The following WNT3 variants were observed in gnomAD, a reference collection of about 807,000 sequenced individuals.
The protein encoded by WNT3 is proto-oncogene Wnt-3.
A neutral mutation model predicts 34.2 loss-of-function variants in WNT3; 7 were observed. The observed-to-expected ratio is 0.20, with a 90% confidence interval of 0.12 to 0.38. The LOEUF (loss-of-function observed/expected upper bound fraction) is 0.38, where lower values mean the gene tolerates loss of function less well. Ranked by LOEUF, WNT3 falls within the 10% of genes least tolerant of loss-of-function variation. The pLI, the probability that WNT3 is intolerant of heterozygous loss-of-function variation, is 1.00. For missense variants in WNT3, 267 were observed against 499.8 expected, an observed-to-expected ratio of 0.53 and a Z score of 4.44; for synonymous variants, 212 against 211.5, an observed-to-expected ratio of 1.00 and a Z score of -0.02.
chr17:46,813,010 T>C (rs1249466657), intron 1 of WNT3, among the ~76,000 whole-genome samples: 1 of 151,996 alleles, frequency 6.6e-6, no homozygotes, highest in South Asian at 2.1e-4. Context: ...AAAAGCCAGA[T>C]GTGAATGCAG....
intron 1 of WNT3, among the ~76,000 whole-genome samples, chr17:46,792,822 T>C (rs554514882): frequency 1.6e-4 from 24 of 152,198 alleles, no homozygotes; most frequent in Non-Finnish European, 2.6e-4. Flanking sequence ...CCTGACTATG[T>C]GCCAGTTGCC....
intron 2 of WNT3, among the ~76,000 whole-genome samples, chr17:46,772,770 AACCCCACCCAGC>A (rs1243941379): frequency 7.2e-6 from 1 of 138,374 alleles, no homozygotes; most frequent in Non-Finnish European, 1.6e-5. Flanking sequence ...CTTCCCCCCC[AACCCCACCCAGC>A]ACCCCACCCC....
chr17:46,770,146 A>C, intron 2 of WNT3, 98 bp from the exon 3 acceptor site: 1 of 1,434,222 alleles, frequency 7.0e-7, no homozygotes, highest in Non-Finnish European at 9.2e-7. Flanking sequence ...GAACGAGGCC[A>C]GGAAGAGTTG....
intron 4 of WNT3, among the ~76,000 whole-genome samples, chr17:46,767,373 G>A (rs1198730198): frequency 6.6e-6 from 1 of 152,146 alleles, no homozygotes; most frequent in Non-Finnish European, 1.5e-5. Flanking sequence ...CAGGATATGG[G>A]CTTATATGCC....
intron 1 of WNT3, among the ~76,000 whole-genome samples, chr17:46,810,004 C>CT (rs11292601): frequency 0.21 from 26,988 of 126,352 alleles, 3,374 homozygotes; most frequent in Non-Finnish European, 0.27. Flanking sequence ...TTCTTTCTTT[C>CT]TTTTTTTTTT....
intron 2 of WNT3, among the ~76,000 whole-genome samples, chr17:46,771,088 G>T (rs568530463): frequency 2.0e-5 from 3 of 152,140 alleles, no homozygotes; most frequent in Admixed American, 6.5e-5. Context: ...AGTGCTGCAA[G>T]AAGGAAGCCC....
intron 1 of WNT3, among the ~76,000 whole-genome samples, chr17:46,794,238 C>T (rs1417644286): frequency 2.0e-5 from 3 of 151,982 alleles, no homozygotes; most frequent in Non-Finnish European, 4.4e-5. Context: ...ATTTCTGGGA[C>T]ATTGATGTCA....
At chr17:46,810,142 G>A (rs890724076) in intron 1 of WNT3, among the ~76,000 whole-genome samples, 1 of 151,764 alleles carries the variant, frequency 6.6e-6, no homozygotes, top group Non-Finnish European at 1.5e-5. Context: ...GAGTAGCTGG[G>A]ATTACAGGCT....
At chr17:46,811,744 C>T (rs564996497) in intron 1 of WNT3, among the ~76,000 whole-genome samples, 1 of 152,268 alleles carries the variant, frequency 6.6e-6, no homozygotes, top group South Asian at 2.1e-4. Context: ...TACCTGAGGT[C>T]GGGAGTTCGA....
intron 1 of WNT3, among the ~76,000 whole-genome samples, chr17:46,800,849 T>G (rs558418712): frequency 2.0e-5 from 3 of 152,032 alleles, no homozygotes; most frequent in Non-Finnish European, 4.4e-5. Flanking sequence ...GGGGCCGCGG[T>G]GCTGAGGGAA....
At chr17:46,771,641 C>T (rs1488573790) in intron 2 of WNT3, among the ~76,000 whole-genome samples, 3 of 144,742 alleles carry the variant, frequency 2.1e-5, no homozygotes, top group Admixed American at 6.8e-5. Context: ...ATGCGGCCGC[C>T]GGGCCCGGGC....
At chr17:46,766,439 T>C (rs768405989) in intron 4 of WNT3, among the ~76,000 whole-genome samples, 25 of 150,824 alleles carry the variant, frequency 1.7e-4, no homozygotes, top group Non-Finnish European at 2.5e-4. Context: ...TGGGCTCCCA[T>C]TGTCACCACC....
At chr17:46,766,183 T>G (rs2059311174) in intron 4 of WNT3, among the ~76,000 whole-genome samples, 1 of 151,740 alleles carries the variant, frequency 6.6e-6, no homozygotes, top group Non-Finnish European at 1.5e-5. Flanking sequence ...CCAAGACGGG[T>G]GGATCACTTG....
chr17:46,780,680 G>A (rs1188507833), intron 1 of WNT3, among the ~76,000 whole-genome samples: 2 of 152,158 alleles, frequency 1.3e-5, no homozygotes, highest in South Asian at 2.1e-4. Flanking sequence ...GAGAGGCTGA[G>A]GCAGGAGAAT....
intron 1 of WNT3, among the ~76,000 whole-genome samples, chr17:46,798,673 G>A (rs559524763): frequency 1.3e-5 from 2 of 152,292 alleles, no homozygotes; most frequent in Admixed American, 1.3e-4. Context: ...ACTGTGCTTA[G>A]CAAGGGCTTA....
chr17:46,787,876 A>G (rs915004043), intron 1 of WNT3, among the ~76,000 whole-genome samples: 3 of 151,924 alleles, frequency 2.0e-5, no homozygotes, highest in African/African-American at 7.3e-5. Flanking sequence ...GAATCGCTTG[A>G]ACCTGGGAGG....
intron 1 of WNT3, among the ~76,000 whole-genome samples, chr17:46,794,699 G>A (rs111776095): frequency 1.9e-4 from 28 of 151,192 alleles, no homozygotes; most frequent in African/African-American, 6.8e-4. Context: ...GGAAGATCTC[G>A]ACCTCCTTCC....
At position 46,789,310 on chromosome 17, in the gene WNT3, C is replaced by T. The variant is rs190776001; in HGVS notation, c.81-15401G>A. 1.2e-3 allele frequency among the ~76,000 whole-genome samples: 178 copies of T among 152,328 alleles called. 1 individual carries two copies. Among genetic ancestry groups the T allele is most frequent in the Non-Finnish European group, 2.1e-3 (141 of 68,028 alleles). On this transcript the variant is annotated intron_variant, in intron 1 of 4. Transcript: ENST00000225512. Reference sequence around the variant, plus strand: ...TCTATGCTCTTCAGAAAACCAAGGACAGTCCCTGACCAGCTGGCTACTGGG... The same window carrying T: ...TCTATGCTCTTCAGAAAACCAAGGATAGTCCCTGACCAGCTGGCTACTGGG...
chr17:46,773,574 AGAG>A (rs1307241111), intron 2 of WNT3, 91 bp downstream of exon 2: 1 of 1,378,738 alleles, frequency 7.3e-7, no homozygotes, highest in Non-Finnish European at 9.8e-7. Flanking sequence ...CCCTGGCTTC[AGAG>A]AAGAGGCACC....
Sources: gnomAD v4.1 joint callset for allele counts (sites outside exome capture counted in the v4.1 genomes callset) on GRCh38, gnomAD v4.1.1 for gene constraint, MANE v1.5 for transcripts, NCBI Gene and HGNC (gene_info 2026-07-23, HGNC 2026-07-21) for gene names.